SORBS2: variants seen among roughly 807,000 people sequenced by gnomAD.
The protein encoded by SORBS2 is sorbin and SH3 domain containing 2, also known as sorbin and SH3 domain-containing protein 2.
A neutral mutation model predicts 97.7 loss-of-function variants in SORBS2; 46 were observed. The ratio of observed to expected loss-of-function variants is 0.47; its 90% CI spans 0.37 to 0.60. The LOEUF is 0.60. Ranked by LOEUF, SORBS2 falls within the 20% of genes least tolerant of loss-of-function variation. SORBS2 has a pLI of 0.00. For synonymous variants in SORBS2, 476 were observed against 473.4 expected (o/e 1.01, Z -0.07); for missense variants, 1,316 against 1,282.3 (o/e 1.03, Z -0.40).
chr4:185,681,679 C>A (rs1403380401), intron 2 of SORBS2, among the ~76,000 whole-genome samples: 1 of 152,180 alleles, frequency 6.6e-6, no homozygotes, highest in Non-Finnish European at 1.5e-5. Context: ...AAGAGCTCCA[C>A]GTGCTCTTAC....
At chr4:185,945,486 C>A (rs2099274115) in intron 1 of SORBS2, among the ~76,000 whole-genome samples, 1 of 152,002 alleles carries the variant, frequency 6.6e-6, no homozygotes, top group Admixed American at 6.6e-5. Context: ...GATTCAAATC[C>A]CAAGTTATTT....
chr4:185,781,354 A>G (rs934246656), intron 1 of SORBS2, among the ~76,000 whole-genome samples: 24 of 152,244 alleles, frequency 1.6e-4, no homozygotes, highest in African/African-American at 4.8e-4. Context: ...GAAATTGAGC[A>G]TATGCAACAG....
At chr4:185,806,662 T>G (rs1177867214) in intron 1 of SORBS2, among the ~76,000 whole-genome samples, 30 of 151,520 alleles carry the variant, frequency 2.0e-4, no homozygotes, top group Admixed American at 3.9e-4. Flanking sequence ...GTTTCACCGT[T>G]TTAGCCGGGA....
At chr4:185,691,964 G>GT (rs1277975134) in intron 2 of SORBS2, among the ~76,000 whole-genome samples, 7 of 152,318 alleles carry the variant, frequency 4.6e-5, no homozygotes, top group Admixed American at 1.3e-4. Context: ...AGCCAGGATG[G>GT]CTACGATCTC....
intron 1 of SORBS2, among the ~76,000 whole-genome samples, chr4:185,920,393 T>C (rs771717538): frequency 6.6e-6 from 1 of 152,200 alleles, no homozygotes; most frequent in Non-Finnish European, 1.5e-5. Context: ...ACATCTCCTC[T>C]GGCTGTAACT....
intron 4 of SORBS2, among the ~76,000 whole-genome samples, chr4:185,670,884 G>T (rs1413215108): frequency 6.6e-6 from 1 of 152,150 alleles, no homozygotes; most frequent in Admixed American, 6.5e-5. Context: ...GTGGGGCCCT[G>T]CCTCCCTCCT....
chr4:185,934,930 A>G (rs893587995), intron 1 of SORBS2, among the ~76,000 whole-genome samples: 60 of 152,258 alleles, frequency 3.9e-4, no homozygotes, highest in African/African-American at 1.3e-3. Flanking sequence ...ATGCTTGATC[A>G]TGGCTCTTCG....
At chr4:185,724,575 T>G (rs981688966) in intron 2 of SORBS2, among the ~76,000 whole-genome samples, 1 of 152,142 alleles carries the variant, frequency 6.6e-6, no homozygotes, top group African/African-American at 2.4e-5. Flanking sequence ...CTCTTCCTAA[T>G]ACCTAGCCAA....
At chr4:185,941,435 A>G (rs2099271953) in intron 1 of SORBS2, among the ~76,000 whole-genome samples, 1 of 152,184 alleles carries the variant, frequency 6.6e-6, no homozygotes, top group African/African-American at 2.4e-5. Flanking sequence ...AGAACATGGA[A>G]ATAATATACT....
chr4:185,587,571 G>A, exon 15 of SORBS2: 5 of 1,513,532 alleles, frequency 3.3e-6, no homozygotes, highest in Non-Finnish European at 3.7e-6. Flanking sequence ...TGTTTCAGGC[G>A]CGTTGACGCA....
chr4:185,677,967 C>CATATAT (rs111888882), intron 4 of SORBS2, among the ~76,000 whole-genome samples: 28 of 151,426 alleles, frequency 1.8e-4, no homozygotes, highest in African/African-American at 3.2e-4. Context: ...TAGACTTTGA[C>CATATAT]ATATATATAT....
At chr4:185,708,298 G>A (rs6552913) in intron 2 of SORBS2, among the ~76,000 whole-genome samples, 40 of 152,076 alleles carry the variant, frequency 2.6e-4, no homozygotes, top group South Asian at 2.1e-4. Context: ...AATAACTCAC[G>A]ATAAATAAAT....
intron 2 of SORBS2, among the ~76,000 whole-genome samples, chr4:185,747,542 GC>G (rs11299197): frequency 0.13 from 20,162 of 152,174 alleles, 1,539 homozygotes; most frequent in South Asian, 0.19. Flanking sequence ...AGGCACTTGG[GC>G]CCTGTCTCAG....
At chr4:185,821,732 G>A (rs1438537235) in intron 1 of SORBS2, among the ~76,000 whole-genome samples, 1 of 152,174 alleles carries the variant, frequency 6.6e-6, no homozygotes, top group Non-Finnish European at 1.5e-5. Context: ...CCCCACCATA[G>A]AGTCATAAAA....
At chr4:185,947,504 G>A (rs369908218) in intron 1 of SORBS2, among the ~76,000 whole-genome samples, 1 of 152,170 alleles carries the variant, frequency 6.6e-6, no homozygotes, top group South Asian at 2.1e-4. Context: ...GCAAACCTGG[G>A]TTCCAACCCA....
At chr4:185,782,474 A>G (rs1488539318) in intron 1 of SORBS2, among the ~76,000 whole-genome samples, 1 of 152,156 alleles carries the variant, frequency 6.6e-6, no homozygotes. Context: ...CCTGATAAAC[A>G]TTTCTTCTGA....
In SORBS2 at chr4:185,923,767, C is replaced by T. The variant is rs143751405; in HGVS notation, c.-338+32429G>A. On this transcript the variant is annotated intron_variant, in intron 1 of 20. Transcript: ENST00000284776. The stretch of plus-strand genomic sequence containing the variant: ...GAGAGAAACACTTCTACACGACCTC[C>T]TTCCTTAGATACAGTATCAGGGTTC... 2.6e-3 allele frequency among the ~76,000 whole-genome samples: 399 copies of T among 152,142 alleles called. 4 individuals carry two copies. Among genetic ancestry groups the T allele is most frequent in the African/African-American group, 9.0e-3 (374 of 41,494 alleles).
At chr4:185,886,458 GGC>G (rs2099239546) in intron 1 of SORBS2, among the ~76,000 whole-genome samples, 1 of 148,690 alleles carries the variant, frequency 6.7e-6, no homozygotes, top group Non-Finnish European at 1.5e-5. Flanking sequence ...AGGAGGCTGA[GGC>G]AGGAAAATTG....
intron 12 of SORBS2, among the ~76,000 whole-genome samples, chr4:185,595,655 C>CTT (rs1243161090): frequency 2.6e-5 from 4 of 151,598 alleles, no homozygotes; most frequent in Non-Finnish European, 5.9e-5. Flanking sequence ...AGTCTTCTTT[C>CTT]TTATTTCAAA....
Sources: gnomAD v4.1 joint callset for allele counts (sites outside exome capture counted in the v4.1 genomes callset) on GRCh38, gnomAD v4.1.1 for gene constraint, MANE v1.5 for transcripts, NCBI Gene and HGNC (gene_info 2026-07-23, HGNC 2026-07-21) for gene names.